Variants in VKORC1L1 observed in about 807,000 individuals in gnomAD.
The protein encoded by VKORC1L1 is vitamin K epoxide reductase complex subunit 1L1, also known as vitamin K epoxide reductase complex subunit 1-like protein 1.
VKORC1L1 carries 2 observed loss-of-function variants against 18.9 expected under a neutral mutation model. The ratio of observed to expected loss-of-function variants is 0.11; its 90% CI spans 0.04 to 0.33. The LOEUF (loss-of-function observed/expected upper bound fraction) is 0.33. Ranked by LOEUF, VKORC1L1 falls within the 10% of genes least tolerant of loss-of-function variation. The pLI, the probability that VKORC1L1 is intolerant of heterozygous loss-of-function variation, is 1.00. For missense variants in VKORC1L1, 123 were observed against 224.1 expected (o/e 0.55, Z 2.88); for synonymous variants, 96 against 100.0 (o/e 0.96, Z 0.24).
chr7:65,893,405 A>G (rs1208574727), intron 1 of VKORC1L1, among the ~76,000 whole-genome samples: 1 of 152,074 alleles, frequency 6.6e-6, no homozygotes, highest in African/African-American at 2.4e-5. Flanking sequence ...GCTGGATGTG[A>G]TAGCACATGC....
At chr7:65,868,237 T>C (rs1046115822), upstream of VKORC1L1, among the ~76,000 whole-genome samples, 6 of 151,964 alleles carry the variant, frequency 3.9e-5, no homozygotes, top group Admixed American at 2.6e-4. Context: ...GGCAGATAAC[T>C]GGAGGTCAGG....
intron 1 of VKORC1L1, among the ~76,000 whole-genome samples, chr7:65,892,807 C>T (rs1789129742): frequency 6.6e-6 from 1 of 152,196 alleles, no homozygotes; most frequent in Admixed American, 6.5e-5. Flanking sequence ...CAGGATTTGC[C>T]TGCCTCTTCT....
intron 1 of VKORC1L1, among the ~76,000 whole-genome samples, chr7:65,921,949 C>T (rs1004494603): frequency 2.6e-5 from 4 of 152,092 alleles, no homozygotes; most frequent in African/African-American, 7.2e-5. Flanking sequence ...GGCCTCCCAA[C>T]GTGCTGTGAT....
chr7:65,950,193 G>T (rs1436755244), intron 2 of VKORC1L1, among the ~76,000 whole-genome samples: 2 of 150,848 alleles, frequency 1.3e-5, no homozygotes, highest in East Asian at 1.9e-4. Flanking sequence ...TCCTTTTATT[G>T]CCCATTTAGC....
At chr7:65,948,455 C>T (rs1299706021) in intron 1 of VKORC1L1, among the ~76,000 whole-genome samples, 3 of 124,412 alleles carry the variant, frequency 2.4e-5, no homozygotes, top group African/African-American at 9.4e-5. Context: ...GGTATACTGG[C>T]ACCTTTAGAT....
intron 1 of VKORC1L1, among the ~76,000 whole-genome samples, chr7:65,919,646 G>A (rs1001453147): frequency 6.6e-6 from 1 of 152,134 alleles, no homozygotes; most frequent in South Asian, 2.1e-4. Context: ...CGGTCATCTT[G>A]TTCTAAGCTA....
At position 65,946,987 on chromosome 7, in the gene VKORC1L1, A is replaced by AT; in HGVS notation, c.195-1684_195-1683insT. On this transcript the variant is annotated intron_variant, in intron 1 of 2. Transcript: ENST00000360768. The stretch of plus-strand genomic sequence containing the variant: ...CAACTCTATAAAAAAATACCAAAAA[A>AT]AAAATATATATATATAGCTGGGTGT... Among the ~76,000 whole-genome samples, 4 of 148,970 alleles carry AT rather than the reference A, an allele frequency of 2.7e-5. No homozygotes were observed. The South Asian group carries it at 8.8e-4, about 33-fold the overall frequency.
chr7:65,923,406 G>GA (rs35172049), intron 1 of VKORC1L1, among the ~76,000 whole-genome samples: 2,537 of 140,816 alleles, frequency 0.018, 24 homozygotes, highest in Middle Eastern at 0.025. Flanking sequence ...GTCTCAAAAA[G>GA]AAAAAAAAAA....
In VKORC1L1 at chr7:65,911,930, A is replaced by G. The variant is rs146746095; in HGVS notation, c.195-36741A>G. Among the ~76,000 whole-genome samples, 792 of 152,332 alleles carry G rather than the reference A, an allele frequency of 5.2e-3. 2 individuals are homozygous for G. The highest frequency in any genetic ancestry group is 9.6e-3 in the Non-Finnish European group (652 of 68,024). ...CATAGAAAATAGCTAGTTTCACTGCATCTTTTTAAAGGATTTATTTGATAC... is the reference window on the plus strand; with the variant it reads ...CATAGAAAATAGCTAGTTTCACTGCGTCTTTTTAAAGGATTTATTTGATAC... On this transcript the variant is annotated intron_variant, in intron 1 of 2. Transcript: ENST00000360768.
Position 65,905,560 on chromosome 7 carries a change from C to T in VKORC1L1, c.194+31995C>T, listed in dbSNP as rs192972471. 4.6e-3 allele frequency among the ~76,000 whole-genome samples: 700 copies of T among 152,204 alleles called. 9 individuals are homozygous for T. Among genetic ancestry groups the T allele is most frequent in the African/African-American group, 0.016 (659 of 41,530 alleles). ...TCCTGACCTCGTGATCCACCCTCCT[C>T]GGCCTCCCAAAGTGCTGGGATTACA... On this transcript the variant is annotated intron_variant, in intron 1 of 2. Transcript: ENST00000360768.
intron 1 of VKORC1L1, among the ~76,000 whole-genome samples, chr7:65,909,584 C>G (rs1789465582): frequency 6.6e-6 from 1 of 151,962 alleles, no homozygotes; most frequent in Non-Finnish European, 1.5e-5. Flanking sequence ...GTGTGGATCT[C>G]ATTGGTTGAA....
At chr7:65,917,170 C>T (rs1789602835) in intron 1 of VKORC1L1, among the ~76,000 whole-genome samples, 1 of 152,094 alleles carries the variant, frequency 6.6e-6, no homozygotes, top group South Asian at 2.1e-4. Context: ...TCTCACAACT[C>T]TTTTTTCTTT....
At chr7:65,919,794 A>G (rs1038039083) in intron 1 of VKORC1L1, among the ~76,000 whole-genome samples, 2 of 152,108 alleles carry the variant, frequency 1.3e-5, no homozygotes, top group South Asian at 2.1e-4. Flanking sequence ...GCGGTGGCTC[A>G]TGCCTGTAAT....
chr7:65,898,297 G>T (rs1226917818), intron 1 of VKORC1L1, among the ~76,000 whole-genome samples: 1 of 151,794 alleles, frequency 6.6e-6, no homozygotes, highest in African/African-American at 2.4e-5. Context: ...ATCTTGCCAG[G>T]CTGGTCTTGA....
chr7:65,936,344 T>C (rs1434719551), intron 1 of VKORC1L1, among the ~76,000 whole-genome samples: 2 of 152,200 alleles, frequency 1.3e-5, no homozygotes, highest in Admixed American at 1.3e-4. Context: ...GTTCTTTGTA[T>C]GTCATATAAT....
intron 1 of VKORC1L1, among the ~76,000 whole-genome samples, chr7:65,942,973 T>C (rs1403649264): frequency 6.6e-6 from 1 of 152,226 alleles, no homozygotes; most frequent in Admixed American, 6.5e-5. Context: ...GTGATAACCA[T>C]ATAAACAATA....
In VKORC1L1 at chr7:65,873,560, C is replaced by T. The variant is rs927391564; in HGVS notation, c.189C>T (p.Ala63=). The T allele has an allele frequency of 1.0e-5, 16 of 1,548,350 alleles. No homozygotes were observed. In the African/African-American group the frequency reaches 1.5e-4, roughly 15 times the overall value. Residue 63 remains alanine, a synonymous_variant, in exon 1 of 3, where the codon GCC becomes GCT. Coordinates refer to ENST00000360768, the MANE Select transcript of VKORC1L1 (RefSeq NM_173517.6). The part of the protein sequence containing the change: ...GPWVKCSAAL[A]SRWGRGFGLL... ...GGGTGAAGTGCTCCGCCGCCCTTGC[C>T]TCCAGGTAGCCGGCTTGGGGGAGTG...
chr7:65,935,386 T>G (rs998860397), intron 1 of VKORC1L1, among the ~76,000 whole-genome samples: 10 of 152,042 alleles, frequency 6.6e-5, no homozygotes, highest in African/African-American at 1.7e-4. Flanking sequence ...CTTGGCTCAC[T>G]GCAACCTCTG....
At chr7:65,908,328 G>A (rs529325976) in intron 1 of VKORC1L1, among the ~76,000 whole-genome samples, 5 of 152,142 alleles carry the variant, frequency 3.3e-5, no homozygotes, top group East Asian at 1.9e-4. Context: ...CAGGAGAATC[G>A]CTTGAACCCG....
Sources: allele counts gnomAD v4.1 joint callset (sites outside exome capture counted in the v4.1 genomes callset), GRCh38; gene constraint gnomAD v4.1.1; transcripts MANE v1.5; gene names NCBI Gene and HGNC (gene_info 2026-07-23, HGNC 2026-07-21).